Variants in TXK observed in about 807,000 individuals in gnomAD.
TXK encodes the protein tyrosine-protein kinase TXK.
Under a neutral mutation model 81.0 loss-of-function variants are expected in TXK, and 60 were observed. The ratio of observed to expected loss-of-function variants is 0.74; its 90% CI spans 0.60 to 0.92. The LOEUF (loss-of-function observed/expected upper bound fraction) is 0.92. TXK is among the 40% of genes least tolerant of loss of function. The pLI is 0.00. For missense variants in TXK, 581 were observed against 638.3 expected (o/e 0.91, Z 0.97); for synonymous variants, 203 against 210.7 (o/e 0.96, Z 0.32).
chr4:48,113,697 T>C (rs917770636), intron 2 of TXK, among the ~76,000 whole-genome samples: 3 of 152,186 alleles, frequency 2.0e-5, no homozygotes, highest in African/African-American at 7.2e-5. Flanking sequence ...TAAATAGACA[T>C]GGTATAGTGA....
chr4:48,071,529 G>C lies in TXK; in HGVS notation c.1503C>G (p.Ser501Arg), dbSNP rs774406416. The change falls in exon 14 of 15, where the codon AGC becomes AGG. Residue 501 changes from serine to arginine, a missense_variant. Coordinates refer to ENST00000264316, the MANE Select transcript of TXK (RefSeq NM_003328.3). ...APMSIYEVMY[S>R]CWHEKPEGRP... ...AACATATGCTTACCTCATGCCAGCA[G>C]CTGTACATGACTTCATATATGGACA... is the stretch of plus-strand genomic sequence containing the variant. 1 of 1,613,330 alleles carries C rather than the reference G, an allele frequency of 6.2e-7. No homozygotes were observed. Among genetic ancestry groups the C allele is most frequent in the Non-Finnish European group, 8.5e-7 (1 of 1,179,718 alleles).
chr4:48,090,754 C>A (rs963298622), intron 8 of TXK, among the ~76,000 whole-genome samples: 2 of 152,084 alleles, frequency 1.3e-5, no homozygotes, highest in Admixed American at 6.5e-5. Context: ...CATGCACACA[C>A]AAGAAAAAGT....
At chr4:48,097,117 T>C (rs1439082835) in intron 6 of TXK, among the ~76,000 whole-genome samples, 2 of 152,018 alleles carry the variant, frequency 1.3e-5, no homozygotes, top group African/African-American at 4.8e-5. Flanking sequence ...AGTAAGAATA[T>C]AATATGACTA....
Position 48,104,949 on chromosome 4 carries a change from G to A in TXK, c.453C>T (p.Tyr151=). The A allele has an allele frequency of 1.3e-6, 2 of 1,582,448 alleles. No individual in the cohort carries two copies. Among genetic ancestry groups the A allele is most frequent in the Non-Finnish European group, 1.7e-6 (2 of 1,164,490 alleles). ...KITNLEIYEW[Y]HRNITRNQAE... is the part of the protein sequence containing the mutation. The stretch of plus-strand genomic sequence containing the variant: ...CCTGATTTCTGGTAATGTTTCTATG[G>A]TACCACCTGTAAAAGCAATAAAAAT... The change falls in exon 6 of 15, where the codon TAC becomes TAT. Residue 151 remains tyrosine (Y), a synonymous_variant. Transcript: ENST00000264316.
In TXK at chr4:48,112,298, G is replaced by A. The variant is rs747348460; in HGVS notation, c.380+9C>T. 3.1e-6 allele frequency: 5 copies of A among 1,612,900 alleles called. No homozygotes were observed. The highest frequency in any genetic ancestry group is 4.2e-6 in the Non-Finnish European group (5 of 1,178,856). On this transcript the variant is annotated intron_variant, in intron 4 of 14. Coordinates refer to ENST00000264316, the MANE Select transcript of TXK (RefSeq NM_003328.3). ...ATTGGATACTGACTAAGTCATGTAA[G>A]TGTCTTACCCCAAACGGTCTCTTGC...
intron 11 of TXK, 120 bp from the exon 12 acceptor site, chr4:48,076,586 A>C: frequency 1.4e-6 from 1 of 727,572 alleles, no homozygotes. Context: ...CCGCCAAGTC[A>C]TTTTTATGGT....
intron 1 of TXK, among the ~76,000 whole-genome samples, chr4:48,128,819 G>A (rs988434467): frequency 5.3e-5 from 8 of 151,680 alleles, no homozygotes; most frequent in Admixed American, 2.0e-4. Flanking sequence ...CACCTGCCTC[G>A]GCCTCCCAAA....
At chr4:48,123,236 T>C (rs1467871607) in intron 1 of TXK, among the ~76,000 whole-genome samples, 3 of 152,252 alleles carry the variant, frequency 2.0e-5, no homozygotes, top group African/African-American at 4.8e-5. Flanking sequence ...TGTGATTTGA[T>C]AGTTAGGTAC....
chr4:48,068,753 T>C lies in TXK; in HGVS notation c.1516-1048A>G, dbSNP rs1052714939. On this transcript the variant is annotated intron_variant, in intron 14 of 14. Coordinates refer to ENST00000264316, the MANE Select transcript of TXK (RefSeq NM_003328.3). ...AAACCATGGGAAACAGAGCTACTCATAGTAGCCACATTCTCACAGGGGTCA... is the reference window on the plus strand; with the variant it reads ...AAACCATGGGAAACAGAGCTACTCACAGTAGCCACATTCTCACAGGGGTCA... Among the ~76,000 whole-genome samples the C allele has an allele frequency of 5.9e-5, 9 of 152,104 alleles. No individual in the cohort carries two copies. The South Asian group carries it at 1.2e-3, about 21-fold the overall frequency.
intron 4 of TXK, 143 bp from the exon 5 acceptor site, chr4:48,110,746 GTTT>G (rs922283615): frequency 1.5e-6 from 1 of 645,198 alleles, no homozygotes; most frequent in Non-Finnish European, 2.6e-6. Context: ...AGAAAAAAAA[GTTT>G]TTTTATTTCT....
Position 48,067,626 on chromosome 4 carries a change from T to G in TXK, c.*11A>C, listed in dbSNP as rs1251584985. 6.2e-7 allele frequency: 1 copy of G among 1,613,970 alleles called. No individual in the cohort carries two copies. The highest frequency in any genetic ancestry group is 8.5e-7 in the Non-Finnish European group (1 of 1,179,850). On this transcript the variant is annotated 3_prime_UTR_variant, in exon 15 of 15. Transcript: ENST00000264316. ...GCAAGATGACTCTTTGGGTTGGCAT[T>G]CTGTTTCCGGTCACCAGGTTTCCGC...
chr4:48,117,224 T>G (rs1233983277), intron 1 of TXK, among the ~76,000 whole-genome samples: 2 of 152,166 alleles, frequency 1.3e-5, no homozygotes, highest in Admixed American at 1.3e-4. Flanking sequence ...CCTCTTCCAT[T>G]ATCCATTCCA....
intron 1 of TXK, among the ~76,000 whole-genome samples, chr4:48,120,168 T>TATATGTAC (rs56907275): frequency 6.8e-6 from 1 of 147,284 alleles, no homozygotes. Flanking sequence ...TATATATGTA[T>TATATGTAC]ATACGTATAT....
chr4:48,077,132 TAC>T (rs1436797817), intron 11 of TXK, among the ~76,000 whole-genome samples: 3 of 152,224 alleles, frequency 2.0e-5, no homozygotes, highest in Non-Finnish European at 4.4e-5. Context: ...GATAACTATT[TAC>T]AGTGATAATT....
intron 11 of TXK, among the ~76,000 whole-genome samples, chr4:48,079,571 T>C (rs1036891274): frequency 6.6e-6 from 1 of 152,186 alleles, no homozygotes; most frequent in African/African-American, 2.4e-5. Flanking sequence ...TTAAAAACTC[T>C]GGTCCCCATA....
chr4:48,088,023 T>C (rs11942098), intron 9 of TXK, among the ~76,000 whole-genome samples: 13,686 of 152,178 alleles, frequency 0.09, 894 homozygotes, highest in East Asian at 0.36. Flanking sequence ...TGGAGTATTC[T>C]CTTATGAAGA....
At chr4:48,082,976 C>T (rs1717368922) in intron 10 of TXK, among the ~76,000 whole-genome samples, 1 of 152,200 alleles carries the variant, frequency 6.6e-6, no homozygotes, top group Non-Finnish European at 1.5e-5. Context: ...CACATGCATC[C>T]TTCAAGTTTG....
At chr4:48,085,232 G>C (rs1048715844) in intron 10 of TXK, among the ~76,000 whole-genome samples, 1 of 152,022 alleles carries the variant, frequency 6.6e-6, no homozygotes, top group Non-Finnish European at 1.5e-5. Context: ...TGTGTCCAAT[G>C]GTCTACAAAG....
intron 1 of TXK, among the ~76,000 whole-genome samples, chr4:48,123,098 T>C (rs1409569263): frequency 2.0e-5 from 3 of 152,244 alleles, no homozygotes; most frequent in Non-Finnish European, 2.9e-5. Flanking sequence ...CCAAAAAGTG[T>C]ATATAATGGC....
Sources: allele counts gnomAD v4.1 joint callset (sites outside exome capture counted in the v4.1 genomes callset), GRCh38; gene constraint gnomAD v4.1.1; transcripts MANE v1.5; gene names NCBI Gene and HGNC (gene_info 2026-07-23, HGNC 2026-07-21).